Variants in TRAPPC2B observed in about 807,000 individuals in gnomAD.
TRAPPC2B encodes the protein trafficking protein particle complex subunit 2B.
TRAPPC2B carries 5 observed loss-of-function variants against 8.4 expected under a neutral mutation model. The observed-to-expected ratio is 0.59, with a 90% CI of 0.31 to 1.25. TRAPPC2B has a LOEUF of 1.25. TRAPPC2B is among the 50% of genes most tolerant of loss of function. The pLI is 0.06. For missense variants in TRAPPC2B, 161 were observed against 173.2 expected, an observed-to-expected ratio of 0.93 and a Z score of 0.40; for synonymous variants, 46 against 58.1, an observed-to-expected ratio of 0.79 and a Z score of 0.95.
chr19:57,364,567 C>G, intron 1 of TRAPPC2B: 2 of 512,622 alleles, frequency 3.9e-6, no homozygotes, highest in Non-Finnish European at 7.0e-6. Context: ...ATGGTGAAAC[C>G]CCGTCTTTAG....
At chr19:57,363,950 G>A (rs551048190) in intron 1 of TRAPPC2B, 1 of 152,584 alleles carries the variant, frequency 6.6e-6, no homozygotes, top group African/African-American at 2.4e-5. Context: ...GTTTCTGCGG[G>A]AAAGAGAGGG....
chr19:57,365,025 G>A lies in TRAPPC2B; in HGVS notation c.192G>A (p.Val64=). Residue 64 remains valine, a synonymous_variant, in exon 2 of 2, where the codon GTG becomes GTA. Transcript: ENST00000543226. ...CGAACAACATGTACTTGAAAACTGT[G>A]GACAAGTTCAACGAGTGGTTTGTGT... The part of the protein sequence containing the change: ...WLSNNMYLKT[V]DKFNEWFVSA... The A allele has an allele frequency of 6.2e-7, 1 of 1,612,306 alleles. No homozygotes were observed. The highest frequency in any genetic ancestry group is 1.3e-5 in the African/African-American group (1 of 74,994).
intron 1 of TRAPPC2B, 136 bp from the exon 2 acceptor site, chr19:57,364,679 T>C (rs553901944): frequency 2.9e-5 from 19 of 657,576 alleles, no homozygotes; most frequent in Non-Finnish European, 4.7e-5. Flanking sequence ...AGGTGGAGAT[T>C]GCAGTGAGCC....
At position 57,363,722 on chromosome 19, in the gene TRAPPC2B, GC is replaced by G. The variant is rs11377329; in HGVS notation, c.-20+28del. ...ACCCGAGGTGGGTGCCCCGTCCCAGGCCCCCCCCCACCTCCGCCCGACCCCT... is the reference window on the plus strand; with the variant it reads ...ACCCGAGGTGGGTGCCCCGTCCCAGGCCCCCCCCACCTCCGCCCGACCCCT... On this transcript the variant is annotated intron_variant, in intron 1 of 1. Coordinates refer to ENST00000543226, the MANE Select transcript of TRAPPC2B (RefSeq NM_001355204.2). 5.5e-5 allele frequency: 8 copies of G among 144,418 alleles called. No homozygotes were observed. The highest frequency in any genetic ancestry group is 8.0e-5 in the African/African-American group (3 of 37,418). 8.9% of individuals were successfully genotyped at this position (144,418 alleles called of 1,614,324 possible).
chr19:57,364,779 T>G (rs2088451356), intron 1 of TRAPPC2B, 36 bp from the exon 2 acceptor site: 23 of 1,437,786 alleles, frequency 1.6e-5, no homozygotes, highest in Non-Finnish European at 2.2e-5. Flanking sequence ...CCGCGGAAAC[T>G]GACATTGCGT....
chr19:57,363,977 T>A (rs1207417080), intron 1 of TRAPPC2B: 1 of 152,300 alleles, frequency 6.6e-6, no homozygotes, highest in Non-Finnish European at 1.5e-5. Context: ...GAATTTTCTC[T>A]TGGAATGGCA....
rs1600073701 is a variant in TRAPPC2B, at chr19:57,364,772, C to T, written c.-19-43C>T. ...AGGTGCGGAGCGCGGGTCTCTTCCG[C>T]GGAAACTGACATTGCGTTTCCGTTG... On this transcript the variant is annotated intron_variant, in intron 1 of 1. Coordinates refer to ENST00000543226, the MANE Select transcript of TRAPPC2B (RefSeq NM_001355204.2). 7.1e-6 allele frequency: 10 copies of T among 1,406,340 alleles called. No homozygotes were observed. In the East Asian group the frequency reaches 2.4e-4, roughly 34 times the overall value. 87.1% of individuals were successfully genotyped at this position (1,406,340 alleles called of 1,614,324 possible).
Position 57,365,248 on chromosome 19 carries a change from T to C in TRAPPC2B, c.415T>C (p.Leu139=). ...TCAGTTTCTTGGGAAGAAACACCTTTTAAGCTGAATGGAGAAAATTCCAAA... is the reference window on the plus strand; with the variant it reads ...TCAGTTTCTTGGGAAGAAACACCTTCTAAGCTGAATGGAGAAAATTCCAAA... ...KVQFLGKKHL[L]S is the part of the protein sequence containing the mutation. The change falls in exon 2 of 2, where the codon TTA becomes CTA. Residue 139 remains leucine (L), a synonymous_variant. Transcript: ENST00000543226. The C allele has an allele frequency of 6.4e-7, 1 of 1,562,450 alleles. No homozygotes were observed. The highest frequency in any genetic ancestry group is 1.2e-5 in the South Asian group (1 of 85,284).
intron 1 of TRAPPC2B, chr19:57,364,024 G>A (rs567867781): frequency 6.6e-6 from 1 of 152,448 alleles, no homozygotes; most frequent in Non-Finnish European, 1.5e-5. Flanking sequence ...AGGTTGTCAA[G>A]GGAAGACCAG....
chr19:57,365,191 CCTATT>C lies in TRAPPC2B; in HGVS notation c.360_364del (p.Arg122LysfsTer4), dbSNP rs772614187. ...GAATCCATTTTATGAACCCAATTCTCCTATTCGATCAAGTGCATTTGACAGAAAAG... is the reference window on the plus strand; with the variant it reads ...GAATCCATTTTATGAACCCAATTCTCCGATCAAGTGCATTTGACAGAAAAG... On this transcript the variant is annotated frameshift_variant, in exon 2 of 2. Transcript: ENST00000543226. LOFTEE classifies it high-confidence loss of function. The C allele has an allele frequency of 1.3e-6, 2 of 1,591,652 alleles. No homozygotes were observed. The highest frequency in any genetic ancestry group is 1.7e-6 in the Non-Finnish European group (2 of 1,167,854).
intron 1 of TRAPPC2B, chr19:57,364,091 C>T (rs2123006114): frequency 6.5e-6 from 1 of 152,802 alleles, no homozygotes; most frequent in Non-Finnish European, 1.5e-5. Context: ...CACAGAGAGA[C>T]CCAGAAGAGG....
At chr19:57,364,758 G>A in intron 1 of TRAPPC2B, 57 bp from the exon 2 acceptor site, 2 of 1,253,976 alleles carry the variant, frequency 1.6e-6, no homozygotes, top group Middle Eastern at 2.6e-4. Flanking sequence ...GGTGCGGAGC[G>A]CGGGTCTCTT....
At chr19:57,364,600 G>A in intron 1 of TRAPPC2B, 1 of 580,282 alleles carries the variant, frequency 1.7e-6, no homozygotes, top group Non-Finnish European at 3.1e-6. Flanking sequence ...AATTAGCCGG[G>A]GGTGGTGACG....
chr19:57,364,896 GT>G lies in TRAPPC2B; in HGVS notation c.68del (p.Leu23CysfsTer15). On this transcript the variant is annotated frameshift_variant, in exon 2 of 2. Transcript: ENST00000543226. LOFTEE classifies it high-confidence loss of function. ...HHDNPVFEME[F>X]LPAGKAESKD... ...ATGATAATCCAGTTTTTGAAATGGA[GT>G]TTTTGCCAGCTGGGAAGGCAGAATC... The G allele has an allele frequency of 6.2e-7, 1 of 1,612,314 alleles. No homozygotes were observed. The highest frequency in any genetic ancestry group is 2.2e-5 in the East Asian group (1 of 44,880).
intron 1 of TRAPPC2B, 132 bp from the exon 2 acceptor site, chr19:57,364,683 G>A (rs914199630): frequency 1.0e-5 from 7 of 673,004 alleles, no homozygotes; most frequent in Admixed American, 5.1e-5. Context: ...GGAGATTGCA[G>A]TGAGCCAAGA....
chr19:57,364,461 G>GTAGATCTCGGTGGTC, intron 1 of TRAPPC2B: 1 of 248,600 alleles, frequency 4.0e-6, no homozygotes, highest in Non-Finnish European at 8.0e-6. Context: ...AATAGAGGGT[G>GTAGATCTCGGTGGTC]GCCGGGCGTG....
Position 57,365,260 on chromosome 19 carries a change from G to T in TRAPPC2B, c.*4G>T. The T allele has an allele frequency of 6.5e-7, 1 of 1,544,246 alleles. No individual in the cohort carries two copies. Among genetic ancestry groups the T allele is most frequent in the South Asian group, 1.2e-5 (1 of 84,244 alleles). On this transcript the variant is annotated 3_prime_UTR_variant, in exon 2 of 2. Coordinates refer to ENST00000543226, the MANE Select transcript of TRAPPC2B (RefSeq NM_001355204.2). ...GAAGAAACACCTTTTAAGCTGAATG[G>T]AGAAAATTCCAAAATAAATTATATC...
rs770328516 is a variant in TRAPPC2B, at chr19:57,365,038, G to A, written c.205G>A (p.Glu69Lys). The A allele has an allele frequency of 1.9e-6, 3 of 1,612,052 alleles. No homozygotes were observed. Among genetic ancestry groups the A allele is most frequent in the Non-Finnish European group, 2.5e-6 (3 of 1,178,372 alleles). The change falls in exon 2 of 2, where the codon GAG becomes AAG. Residue 69 changes from glutamate (E) to lysine (K), a missense_variant. Coordinates refer to ENST00000543226, the MANE Select transcript of TRAPPC2B (RefSeq NM_001355204.2). ...CTTGAAAACTGTGGACAAGTTCAAC[G>A]AGTGGTTTGTGTCAGCATTTGTCAC... ...MYLKTVDKFN[E>K]WFVSAFVTAG...
At position 57,365,378 on chromosome 19, in the gene TRAPPC2B, T is replaced by C. The variant is rs1459199446; in HGVS notation, c.*122T>C. On this transcript the variant is annotated 3_prime_UTR_variant, in exon 2 of 2. Transcript: ENST00000543226. ...TTGTGTATTCTCAGCTTATCTAAAC[T>C]TAATGAAATTTCTTTTATATTTAAA... 6 of 701,438 alleles carry C rather than the reference T, an allele frequency of 8.6e-6. No homozygotes were observed. The East Asian group carries it at 1.1e-4, about 13-fold the overall frequency. The allele number at this position is 701,438 out of a possible 1,614,324, so 43.5% of individuals were successfully genotyped here.
Sources: gnomAD v4.1 joint callset for allele counts on GRCh38, gnomAD v4.1.1 for gene constraint, MANE v1.5 for transcripts, NCBI Gene and HGNC (gene_info 2026-07-23, HGNC 2026-07-21) for gene names.